SLC22A25: variants seen among roughly 807,000 people sequenced by gnomAD.
The protein encoded by SLC22A25 is solute carrier family 22 member 25.
SLC22A25 carries 44 observed loss-of-function variants against 45.9 expected under a neutral mutation model. That is an observed-to-expected ratio of 0.96 (90% CI 0.75 to 1.23). The LOEUF (loss-of-function observed/expected upper bound fraction) is 1.23, where lower values mean the gene tolerates loss of function less well. Among genes scored for constraint, SLC22A25 ranks in the 50% most tolerant of loss-of-function variants. The probability of loss-of-function intolerance (pLI) is 0.00; values close to 1 mark genes in which losing one functional copy is unlikely to be tolerated. For synonymous variants in SLC22A25, 283 were observed against 238.6 expected, an observed-to-expected ratio of 1.19 and a Z score of -1.72; for missense variants, 800 against 666.4, an observed-to-expected ratio of 1.20 and a Z score of -2.21.
rs1443418368 is a variant in SLC22A25, at chr11:63,162,889, C to G, written c.*935G>C. On this transcript the variant is annotated 3_prime_UTR_variant, in exon 12 of 12. Transcript: ENST00000306494. The stretch of plus-strand genomic sequence containing the variant: ...TTTATCTTGCTGTTTAATCAGCAAT[C>G]AGCACCTGGAATTCCTTAAAATTGT... Among the ~76,000 whole-genome samples the G allele has an allele frequency of 6.6e-6, 1 of 152,138 alleles. No homozygotes were observed. Among genetic ancestry groups the G allele is most frequent in the Admixed American group, 6.5e-5 (1 of 15,274 alleles).
At chr11:63,171,648 G>T (rs893365628) in intron 9 of SLC22A25, among the ~76,000 whole-genome samples, 1 of 152,076 alleles carries the variant, frequency 6.6e-6, no homozygotes. Context: ...ACTGCACAAG[G>T]AAATAAGAGA....
intron 7 of SLC22A25, among the ~76,000 whole-genome samples, chr11:63,195,682 G>A (rs1409288275): frequency 3.9e-5 from 6 of 151,966 alleles, no homozygotes; most frequent in Admixed American, 1.3e-4. Context: ...CCCTAACATC[G>A]CAATTAAAAG....
At chr11:63,234,503 C>T (rs1357269884) in intron 3 of SLC22A25, among the ~76,000 whole-genome samples, 1 of 152,164 alleles carries the variant, frequency 6.6e-6, no homozygotes, top group African/African-American at 2.4e-5. Context: ...GATCTTCGTC[C>T]ATCCCTTTAT....
chr11:63,166,279 G>T, intron 9 of SLC22A25, 21 bp from the exon 10 acceptor site: 2 of 1,612,838 alleles, frequency 1.2e-6, no homozygotes, highest in Non-Finnish European at 1.7e-6. Flanking sequence ...CACAGAAAAA[G>T]GCACATATTA....
intron 3 of SLC22A25, among the ~76,000 whole-genome samples, chr11:63,233,562 T>G (rs2090109804): frequency 6.6e-6 from 1 of 152,182 alleles, no homozygotes; most frequent in Admixed American, 6.5e-5. Flanking sequence ...GTCTATCAAT[T>G]TTGTTGATCT....
rs1226376295 is a variant in SLC22A25 at position 63,236,651 on chromosome 11, TGCACCCACTGTCCC to T, written c.-445+1216_-445+1229del. 1.1e-4 allele frequency among the ~76,000 whole-genome samples: 16 copies of T among 151,954 alleles called. No homozygotes were observed. The East Asian group carries it at 2.5e-3, about 24-fold the overall frequency. On this transcript the variant is annotated intron_variant, in intron 3 of 11. Coordinates refer to ENST00000306494, the MANE Select transcript of SLC22A25 (RefSeq NM_199352.6). ...GCACGGTGTGCTGCACCCACTGTCC[TGCACCCACTGTCCC>T]GCACCCACTGTCTGGCACTCCCCAG... is the stretch of plus-strand genomic sequence containing the variant.
At chr11:63,228,202 C>T (rs1246123097) in intron 5 of SLC22A25, among the ~76,000 whole-genome samples, 1 of 152,156 alleles carries the variant, frequency 6.6e-6, no homozygotes, top group African/African-American at 2.4e-5. Flanking sequence ...GCTCTGCCTC[C>T]CCTGGGATTT....
At chr11:63,196,212 C>G (rs1590842676) in intron 7 of SLC22A25, among the ~76,000 whole-genome samples, 1 of 152,146 alleles carries the variant, frequency 6.6e-6, no homozygotes, top group Admixed American at 6.6e-5. Context: ...GAAACTATTC[C>G]AATCAATAGA....
intron 7 of SLC22A25, among the ~76,000 whole-genome samples, chr11:63,215,464 G>A (rs919941292): frequency 1.3e-5 from 2 of 152,120 alleles, no homozygotes; most frequent in Admixed American, 1.3e-4. Context: ...GATAGCATTA[G>A]GAGAAATACC....
intron 7 of SLC22A25, among the ~76,000 whole-genome samples, chr11:63,216,728 A>T (rs1353021752): frequency 6.6e-6 from 1 of 152,208 alleles, no homozygotes; most frequent in African/African-American, 2.4e-5. Context: ...CTTAATACCT[A>T]GGTGATAAAA....
chr11:63,179,066 A>G (rs906428681), intron 9 of SLC22A25, among the ~76,000 whole-genome samples: 2 of 152,010 alleles, frequency 1.3e-5, no homozygotes, highest in Non-Finnish European at 2.9e-5. Flanking sequence ...GGTTGAAGCA[A>G]TTCTGGTGCT....
rs956881436 is a variant in SLC22A25, at chr11:63,160,239, A to G, written c.*3585T>C. 6.6e-6 allele frequency among the ~76,000 whole-genome samples: 1 copy of G among 152,154 alleles called. No homozygotes were observed. Among genetic ancestry groups the G allele is most frequent in the Non-Finnish European group, 1.5e-5 (1 of 68,024 alleles). Reference sequence around the variant, plus strand: ...AGAGACCTTTGTGACAGCCCTTCCTATCACAGGCCTGGAGGCCTAGGAGGT... The same window carrying G: ...AGAGACCTTTGTGACAGCCCTTCCTGTCACAGGCCTGGAGGCCTAGGAGGT... On this transcript the variant is annotated 3_prime_UTR_variant, in exon 12 of 12. Coordinates refer to ENST00000306494, the MANE Select transcript of SLC22A25 (RefSeq NM_199352.6).
chr11:63,183,144 C>T, intron 8 of SLC22A25, among the ~76,000 whole-genome samples: 1 of 152,044 alleles, frequency 6.6e-6, no homozygotes. Flanking sequence ...TGCTTTAAAG[C>T]TTATAGTAAG....
At chr11:63,237,229 C>G (rs1015119850) in intron 3 of SLC22A25, among the ~76,000 whole-genome samples, 1 of 152,138 alleles carries the variant, frequency 6.6e-6, no homozygotes, top group African/African-American at 2.4e-5. Context: ...GTTGAAAAAA[C>G]CCCACTGTTG....
chr11:63,220,161 A>T (rs370706119), intron 5 of SLC22A25: 187 of 391,166 alleles, frequency 4.8e-4, no homozygotes, highest in African/African-American at 4.7e-3. Context: ...CTGTTTTTGC[A>T]AAGACAAAAA....
intron 3 of SLC22A25, among the ~76,000 whole-genome samples, chr11:63,234,795 T>G (rs578060415): frequency 1.3e-5 from 2 of 152,358 alleles, no homozygotes; most frequent in South Asian, 4.1e-4. Flanking sequence ...CTTTCCATGT[T>G]TAGTGCTTCC....
intron 7 of SLC22A25, among the ~76,000 whole-genome samples, chr11:63,206,791 A>T (rs1456571051): frequency 6.6e-6 from 1 of 152,256 alleles, no homozygotes; most frequent in Non-Finnish European, 1.5e-5. Context: ...TTGAAATTTC[A>T]TATGGAACTA....
chr11:63,233,345 C>A (rs1160370545), intron 3 of SLC22A25, among the ~76,000 whole-genome samples: 1 of 152,136 alleles, frequency 6.6e-6, no homozygotes, highest in Non-Finnish European at 1.5e-5. Context: ...GATTCAACTT[C>A]TTCCTGGTTT....
intron 8 of SLC22A25, among the ~76,000 whole-genome samples, chr11:63,182,250 C>G: frequency 6.6e-6 from 1 of 152,114 alleles, no homozygotes; most frequent in Admixed American, 6.6e-5. Context: ...AGGGGACAGT[C>G]AGTTGCCATT....
Sources: allele counts gnomAD v4.1 joint callset (sites outside exome capture counted in the v4.1 genomes callset), GRCh38; gene constraint gnomAD v4.1.1; transcripts MANE v1.5; gene names NCBI Gene and HGNC (gene_info 2026-07-23, HGNC 2026-07-21).